Variants in ZBED1 observed in about 807,000 individuals in gnomAD.
ZBED1 encodes zinc finger BED-type containing 1.
In ZBED1, 19 loss-of-function variants were observed where a neutral mutation model predicts 49.7. That is an observed-to-expected ratio of 0.38 (90% CI 0.27 to 0.56). The LOEUF is 0.56. ZBED1 is among the 20% of genes least tolerant of loss of function. The probability of loss-of-function intolerance (pLI) is 0.70; values close to 1 mark genes in which losing one functional copy is unlikely to be tolerated. For synonymous variants in ZBED1, 439 were observed against 440.3 expected (o/e 1.00, Z 0.04); for missense variants, 806 against 972.6 (o/e 0.83, Z 2.28).
Position 2,490,693 on chromosome X carries a change from G to A in ZBED1, c.27C>T (p.Ser9=), listed in dbSNP as rs375953431. The change falls in exon 2 of 2, where the codon TCC becomes TCT. Residue 9 remains serine (S), a synonymous_variant. Transcript: ENST00000652001. ...GGGCCACCAGCTTCAGGTCTGTCTG[G>A]GAGCTCTCCAGGCTTTTATTCTCCA... MENKSLES[S]QTDLKLVAHP... is the part of the protein sequence containing the mutation. 13 of 1,613,718 alleles carry A rather than the reference G, an allele frequency of 8.1e-6. No individual in the cohort carries two copies. Among genetic ancestry groups the A allele is most frequent in the African/African-American group, 2.7e-5 (2 of 74,910 alleles).
chrX:2,494,823 T>C (rs2045242315), intron 1 of ZBED1, among the ~76,000 whole-genome samples: 2 of 151,906 alleles, frequency 1.3e-5, no homozygotes, highest in Admixed American at 1.3e-4. Flanking sequence ...TATATTCTAT[T>C]ATCATTATAA....
At chrX:2,493,089 G>A (rs1346762624) in intron 1 of ZBED1, among the ~76,000 whole-genome samples, 1 of 152,246 alleles carries the variant, frequency 6.6e-6, no homozygotes, top group African/African-American at 2.4e-5. Context: ...TGGGGTGCAA[G>A]GAGGGGGGTC....
At chrX:2,492,399 AGAG>A (rs1293445109) in intron 1 of ZBED1, among the ~76,000 whole-genome samples, 4 of 151,776 alleles carry the variant, frequency 2.6e-5, no homozygotes, top group Non-Finnish European at 5.9e-5. Context: ...AGGAGCTGGG[AGAG>A]GCAGGAAGGA....
At chrX:2,490,977 T>G (rs1467741821) in intron 1 of ZBED1, among the ~76,000 whole-genome samples, 2 of 151,816 alleles carry the variant, frequency 1.3e-5, no homozygotes, top group Non-Finnish European at 2.9e-5. Context: ...TCCACGTTAA[T>G]CCGACTGCAG....
Position 2,489,469 on chromosome X carries a change from G to A in ZBED1, c.1251C>T (p.Pro417=), listed in dbSNP as rs914619202. The change falls in exon 2 of 2, where the codon CCC becomes CCT. Residue 417 remains proline (P), a synonymous_variant. Transcript: ENST00000652001. The part of the protein sequence containing the change: ...VAEMLSASRY[P]TISMVKPLLH... ...GCAGCGGCTTCACCATGCTGATGGT[G>A]GGGTACCTGGAGGCCGACAGCATCT... The A allele has an allele frequency of 1.2e-6, 2 of 1,613,742 alleles. No individual in the cohort carries two copies. The highest frequency in any genetic ancestry group is 2.7e-5 in the African/African-American group (2 of 74,910).
chrX:2,495,325 C>T (rs916171111), intron 1 of ZBED1, among the ~76,000 whole-genome samples: 3 of 151,362 alleles, frequency 2.0e-5, no homozygotes, highest in African/African-American at 7.3e-5. Context: ...GAAAGACGCC[C>T]CAGTACCATG....
At chrX:2,497,545 G>C (rs748199361) in intron 1 of ZBED1, among the ~76,000 whole-genome samples, 1 of 152,134 alleles carries the variant, frequency 6.6e-6, no homozygotes, top group Non-Finnish European at 1.5e-5. Flanking sequence ...TCTATAAATA[G>C]CTTTGTAAGT....
Position 2,489,606 on chromosome X carries a change from C to T in ZBED1, c.1114G>A (p.Ala372Thr), listed in dbSNP as rs1422540072. 6.2e-7 allele frequency: 1 copy of T among 1,612,624 alleles called. No individual in the cohort carries two copies. Among genetic ancestry groups the T allele is most frequent in the Non-Finnish European group, 8.5e-7 (1 of 1,179,832 alleles). ...QRLKEQQFVI[A>T]GVLVEDSNNH... ...TTGCTGTCCTCCACCAAGACCCCGGCGATGACGAACTGCTGCTCCTTGAGG... is the reference window on the plus strand; with the variant it reads ...TTGCTGTCCTCCACCAAGACCCCGGTGATGACGAACTGCTGCTCCTTGAGG... The change falls in exon 2 of 2, where the codon GCC becomes ACC. Residue 372 changes from alanine (A) to threonine (T), a missense_variant. By Grantham distance (58) the Ala-to-Thr change is moderately conservative. Coordinates refer to ENST00000652001, the MANE Select transcript of ZBED1 (RefSeq NM_001171136.2).
rs752142180 is a variant in ZBED1, at chrX:2,489,073, G to A, written c.1647C>T (p.Ala549=). 2.5e-5 allele frequency: 40 copies of A among 1,613,696 alleles called. No homozygotes were observed. The Admixed American group carries it at 3.0e-4, about 12-fold the overall frequency. ...PPASVINNML[A]EIFCQTGGVE... is the part of the protein sequence containing the mutation. ...CGCCGCCTGTCTGGCAGAAGATCTC[G>A]GCCAGCATGTTGTTGATGACGCTGG... The change falls in exon 2 of 2, where the codon GCC becomes GCT. Residue 549 remains alanine, a synonymous_variant. Coordinates refer to ENST00000652001, the MANE Select transcript of ZBED1 (RefSeq NM_001171136.2).
At chrX:2,491,994 C>A (rs1292823787) in intron 1 of ZBED1, among the ~76,000 whole-genome samples, 1 of 152,178 alleles carries the variant, frequency 6.6e-6, no homozygotes, top group East Asian at 1.9e-4. Flanking sequence ...GTAATTGTGT[C>A]TCCAAGTGTC....
At position 2,500,944 on chromosome X, in the gene ZBED1, G is replaced by A. The variant is rs2045414072; in HGVS notation, c.-181C>T. On this transcript the variant is annotated 5_prime_UTR_variant, in exon 1 of 2. Transcript: ENST00000652001. The stretch of plus-strand genomic sequence containing the variant: ...GCGACATGGCTGCCCCGGCCGCGCC[G>A]CCGCCGCTTCCGCGCCGCCCGCGGG... 2.1e-5 allele frequency: 22 copies of A among 1,039,308 alleles called. No homozygotes were observed. The highest frequency in any genetic ancestry group is 2.4e-5 in the Non-Finnish European group (21 of 865,356). The allele number at this position is 1,039,308 out of a possible 1,614,324, so 64.4% of individuals were successfully genotyped here.
At chrX:2,499,544 G>A (rs1281148377) in intron 1 of ZBED1, among the ~76,000 whole-genome samples, 1 of 152,174 alleles carries the variant, frequency 6.6e-6, no homozygotes, top group South Asian at 2.1e-4. Context: ...GCCCAGACTG[G>A]AGGATTGCTG....
At chrX:2,493,560 G>T (rs2045211829) in intron 1 of ZBED1, among the ~76,000 whole-genome samples, 2 of 151,768 alleles carry the variant, frequency 1.3e-5, no homozygotes, top group South Asian at 2.1e-4. Flanking sequence ...TTATTATTAT[G>T]AAGATTAGGC....
chrX:2,500,179 G>A, intron 1 of ZBED1: 1 of 152,422 alleles, frequency 6.6e-6, no homozygotes, highest in Non-Finnish European at 1.5e-5. Context: ...GTTTACAAAG[G>A]CCAAGGAAAC....
chrX:2,490,808 G>C (rs1161038781), intron 1 of ZBED1, 36 bp from the exon 2 acceptor site: 5 of 1,529,576 alleles, frequency 3.3e-6, no homozygotes, highest in East Asian at 4.5e-5. Context: ...CATGAGAAGG[G>C]ACCCAGGCAC....
Position 2,488,645 on chromosome X carries a change from C to T in ZBED1, c.2075G>A (p.Ser692Asn). Residue 692 changes from serine to asparagine, a missense_variant, in exon 2 of 2, where the codon AGC (serine) becomes AAC (asparagine). Physicochemically the swap from Ser to Asn is conservative, Grantham distance 46. Around this residue, in one of 2 missense-constraint regions of ZBED1, gnomAD observed 749 missense variants for 861.3 expected, o/e 0.87. Transcript: ENST00000652001. ...SGGFFGIRDS[S>N]FL Reference sequence around the variant, plus strand: ...CAACACGCTTCCTCGCTACAGGAAGCTGCTGTCCCTAATGCCAAAGAAACC... The same window carrying T: ...CAACACGCTTCCTCGCTACAGGAAGTTGCTGTCCCTAATGCCAAAGAAACC... 1 of 1,604,086 alleles carries T rather than the reference C, an allele frequency of 6.2e-7. No individual in the cohort carries two copies.
At chrX:2,493,933 T>C (rs972775495) in intron 1 of ZBED1, among the ~76,000 whole-genome samples, 17 of 152,036 alleles carry the variant, frequency 1.1e-4, no homozygotes, top group Middle Eastern at 3.2e-3. Flanking sequence ...GATGGCGCCA[T>C]TGCACTGTAG....
rs765040473 is a variant in ZBED1, at chrX:2,489,992, G to A, written c.728C>T (p.Thr243Met). ...GAGCACTCGCGTGATGGTCTCCGCCGTGTTCTCTTCGGGCACCTCGAAGGT... is the reference window on the plus strand; with the variant it reads ...GAGCACTCGCGTGATGGTCTCCGCCATGTTCTCTTCGGGCACCTCGAAGGT... ...LKTFEVPEENTAETITRVLYE... is the reference protein window; with the variant it reads ...LKTFEVPEENMAETITRVLYE... The change falls in exon 2 of 2, where the codon ACG (threonine) becomes ATG (methionine). Residue 243 changes from threonine to methionine, a missense_variant. Physicochemically the swap from Thr to Met is moderately conservative, Grantham distance 81 (BLOSUM62 -1). Coordinates refer to ENST00000652001, the MANE Select transcript of ZBED1 (RefSeq NM_001171136.2). The A allele has an allele frequency of 1.1e-5, 18 of 1,613,906 alleles. No individual in the cohort carries two copies. Among genetic ancestry groups the A allele is most frequent in the Middle Eastern group, 1.7e-4 (1 of 6,044 alleles).
At chrX:2,496,771 CATTTATAT>C (rs2045295341) in intron 1 of ZBED1, among the ~76,000 whole-genome samples, 1 of 151,176 alleles carries the variant, frequency 6.6e-6, no homozygotes, top group Non-Finnish European at 1.5e-5. Context: ...TAAGTGTACA[CATTTATAT>C]ATTTATATAA....
Sources: allele counts gnomAD v4.1 joint callset (sites outside exome capture counted in the v4.1 genomes callset), GRCh38; gene constraint gnomAD v4.1.1; regional missense constraint gnomAD v4.1.1; transcripts MANE v1.5; gene names NCBI Gene and HGNC (gene_info 2026-07-23, HGNC 2026-07-21).